The following GABRB1 variants were observed in gnomAD, a reference collection of about 807,000 sequenced individuals.
The protein encoded by GABRB1 is gamma-aminobutyric acid receptor subunit beta-1.
In GABRB1, 17 loss-of-function variants were observed where a neutral mutation model predicts 51.6. The observed-to-expected ratio is 0.33, with a 90% CI of 0.23 to 0.49. The LOEUF is 0.49. GABRB1 is among the 20% of genes least tolerant of loss of function. The pLI is 0.99. For missense variants in GABRB1, 410 were observed against 600.6 expected, an observed-to-expected ratio of 0.68 and a Z score of 3.32; for synonymous variants, 247 against 218.9, an observed-to-expected ratio of 1.13 and a Z score of -1.14.
chr4:47,212,885 A>C (rs533019368), intron 4 of GABRB1, among the ~76,000 whole-genome samples: 1 of 152,322 alleles, frequency 6.6e-6, no homozygotes, highest in South Asian at 2.1e-4. Flanking sequence ...AAAAGACTTA[A>C]GTGTAAGCAT....
intron 4 of GABRB1, among the ~76,000 whole-genome samples, chr4:47,289,092 T>A (rs1723629330): frequency 6.6e-6 from 1 of 152,146 alleles, no homozygotes; most frequent in Non-Finnish European, 1.5e-5. Flanking sequence ...GAGACATGCG[T>A]ATCAGCAACA....
chr4:47,157,491 G>C (rs371915090), intron 3 of GABRB1, among the ~76,000 whole-genome samples: 2 of 152,010 alleles, frequency 1.3e-5, no homozygotes, highest in East Asian at 1.9e-4. Context: ...TTAAGGGACG[G>C]ATAAAAAAAT....
At chr4:47,246,476 C>G (rs1721766230) in intron 4 of GABRB1, among the ~76,000 whole-genome samples, 1 of 144,878 alleles carries the variant, frequency 6.9e-6, no homozygotes, top group Non-Finnish European at 1.5e-5. Context: ...GTGAATTGTG[C>G]TACTATAAAC....
At chr4:47,192,940 G>T (rs1264654528) in intron 4 of GABRB1, among the ~76,000 whole-genome samples, 2 of 152,078 alleles carry the variant, frequency 1.3e-5, no homozygotes, top group Non-Finnish European at 2.9e-5. Context: ...GACATATAAA[G>T]ACCTGAATAA....
intron 4 of GABRB1, among the ~76,000 whole-genome samples, chr4:47,266,122 T>A (rs1323390939): frequency 6.6e-6 from 1 of 152,166 alleles, no homozygotes; most frequent in Non-Finnish European, 1.5e-5. Flanking sequence ...TTGTATATAC[T>A]GAGAGATATG....
intron 4 of GABRB1, among the ~76,000 whole-genome samples, chr4:47,271,245 G>A (rs945039450): frequency 1.3e-5 from 2 of 152,038 alleles, no homozygotes; most frequent in South Asian, 4.2e-4. Context: ...TATTTTATTT[G>A]TTCATATTTA....
chr4:47,168,819 A>C (rs901055568), intron 4 of GABRB1, among the ~76,000 whole-genome samples: 9 of 152,170 alleles, frequency 5.9e-5, no homozygotes, highest in African/African-American at 2.2e-4. Flanking sequence ...AGAAATAAAA[A>C]ATCAAGGTGT....
chr4:47,347,366 A>C (rs80034809), intron 5 of GABRB1, among the ~76,000 whole-genome samples: 9,477 of 152,216 alleles, frequency 0.062, 513 homozygotes, highest in East Asian at 0.28. Flanking sequence ...TAATTCAGCC[A>C]CATGACCAGG....
chr4:47,324,074 C>A (rs1420337749), intron 5 of GABRB1, among the ~76,000 whole-genome samples: 1 of 152,080 alleles, frequency 6.6e-6, no homozygotes, highest in Non-Finnish European at 1.5e-5. Flanking sequence ...TAAAAAAGAT[C>A]CGGACCTTAA....
chr4:47,055,210 G>A (rs149444713), intron 3 of GABRB1, among the ~76,000 whole-genome samples: 137 of 152,234 alleles, frequency 9.0e-4, no homozygotes, highest in African/African-American at 3.0e-3. Context: ...ATTGTTTGTC[G>A]AAAGAAAGGT....
chr4:47,354,801 G>C (rs145405609), intron 5 of GABRB1, among the ~76,000 whole-genome samples: 3 of 151,316 alleles, frequency 2.0e-5, no homozygotes, highest in African/African-American at 7.3e-5. Context: ...CTAATTTCTA[G>C]ATGTATAGTT....
intron 8 of GABRB1, among the ~76,000 whole-genome samples, chr4:47,420,927 T>C (rs1415523723): frequency 2.2e-5 from 3 of 134,672 alleles, no homozygotes; most frequent in African/African-American, 9.1e-5. Context: ...TGCATGAGCA[T>C]GTACATACAC....
intron 5 of GABRB1, among the ~76,000 whole-genome samples, chr4:47,386,655 G>A (rs1473405680): frequency 1.3e-5 from 2 of 152,118 alleles, no homozygotes; most frequent in Non-Finnish European, 2.9e-5. Context: ...ATATTATCAT[G>A]AGCCTACAGA....
chr4:47,239,253 A>G (rs1348487297), intron 4 of GABRB1, among the ~76,000 whole-genome samples: 3 of 152,146 alleles, frequency 2.0e-5, no homozygotes, highest in Admixed American at 6.5e-5. Context: ...CTTTACCCCA[A>G]CATCTGTGAG....
chr4:47,008,939 C>T (rs1337421594), intron 1 of GABRB1, among the ~76,000 whole-genome samples: 3 of 128,830 alleles, frequency 2.3e-5, no homozygotes, highest in Non-Finnish European at 4.7e-5. Flanking sequence ...TCTCAGCTCA[C>T]TGCAAGCTCC....
At chr4:47,306,618 A>T (rs1578081657) in intron 4 of GABRB1, among the ~76,000 whole-genome samples, 1 of 152,260 alleles carries the variant, frequency 6.6e-6, no homozygotes, top group East Asian at 1.9e-4. Flanking sequence ...ATTACTGTGT[A>T]TCCTTTCAAT....
intron 4 of GABRB1, among the ~76,000 whole-genome samples, chr4:47,166,305 C>T (rs1009498387): frequency 5.9e-5 from 9 of 151,880 alleles, no homozygotes; most frequent in Non-Finnish European, 1.2e-4. Flanking sequence ...CTGCCTCTCC[C>T]GCCTCCCTTT....
At chr4:47,236,130 A>ACAC (rs1721325963) in intron 4 of GABRB1, among the ~76,000 whole-genome samples, 1 of 152,162 alleles carries the variant, frequency 6.6e-6, no homozygotes, top group South Asian at 2.1e-4. Context: ...CTTCTTCTGA[A>ACAC]CACCATACTG....
At chr4:47,338,930 T>C (rs1034296556) in intron 5 of GABRB1, among the ~76,000 whole-genome samples, 1 of 152,162 alleles carries the variant, frequency 6.6e-6, no homozygotes, top group Non-Finnish European at 1.5e-5. Context: ...AAATATCCAT[T>C]TGTAGATTTA....
Sources: gnomAD v4.1 joint callset for allele counts (sites outside exome capture counted in the v4.1 genomes callset) on GRCh38, gnomAD v4.1.1 for gene constraint, MANE v1.5 for transcripts, NCBI Gene and HGNC (gene_info 2026-07-23, HGNC 2026-07-21) for gene names.